Variants in HDAC7 observed in about 807,000 individuals in gnomAD.
HDAC7 encodes the protein histone deacetylase 7A.
HDAC7 carries 26 observed loss-of-function variants against 115.5 expected under a neutral mutation model. The observed-to-expected ratio is 0.23, with a 90% CI of 0.16 to 0.31. The LOEUF (loss-of-function observed/expected upper bound fraction) is 0.31, where lower values mean the gene tolerates loss of function less well. Ranked by LOEUF, HDAC7 falls within the 10% of genes least tolerant of loss-of-function variation. HDAC7 has a pLI of 1.00. For missense variants in HDAC7, 1,068 were observed against 1,329.0 expected, an observed-to-expected ratio of 0.80 and a Z score of 3.05; for synonymous variants, 564 against 550.9, an observed-to-expected ratio of 1.02 and a Z score of -0.33.
At chr12:47,811,660 T>C (rs372155113) in intron 1 of HDAC7, among the ~76,000 whole-genome samples, 2 of 152,234 alleles carry the variant, frequency 1.3e-5, no homozygotes, top group African/African-American at 4.8e-5. Context: ...TCTGTAATAA[T>C]TACGCAGCAT....
chr12:47,813,686 G>T (rs1244320802), intron 1 of HDAC7, among the ~76,000 whole-genome samples: 1 of 152,080 alleles, frequency 6.6e-6, no homozygotes, highest in African/African-American at 2.4e-5. Flanking sequence ...ACGAGGAGAA[G>T]TCCCCTCCCC....
In HDAC7 at chr12:47,786,841, ACCT is replaced by A. The variant is rs367999375; in HGVS notation, c.2454-141_2454-139del. 1.1e-4 allele frequency: 71 copies of A among 653,930 alleles called. 1 individual carries two copies. The East Asian group carries it at 1.6e-3, about 15-fold the overall frequency. The allele number at this position is 653,930 out of a possible 1,614,324, so 40.5% of individuals were successfully genotyped here. A position where few individuals can be genotyped will look rare whatever the true frequency, so the allele number is the denominator to read the frequency against. ...CCAGCACAACTGGCAGATTTCTCTG[ACCT>A]CCTTGACCTTGGCTGGCCACCCATG... On this transcript the variant is annotated intron_variant, in intron 21 of 25. Transcript: ENST00000080059.
chr12:47,789,524 T>A lies in HDAC7; in HGVS notation c.2146A>T (p.Met716Leu). ...PGHHADHSTAMGFCFFNSVAI... is the reference protein window; with the variant it reads ...PGHHADHSTALGFCFFNSVAI... ...ACCCAGGTCTTCCCTTAGCCTTACA[T>A]GGCTGTTGAATGATCTGCATGGTGT... Residue 716 changes from methionine to leucine, a missense_variant and splice_region_variant, in exon 18 of 26, where the codon ATG becomes TTG. Physicochemically the swap from Met to Leu is conservative, Grantham distance 15 (BLOSUM62 2). Transcript: ENST00000080059. The A allele has an allele frequency of 6.2e-7, 1 of 1,614,156 alleles. No homozygotes were observed. Among genetic ancestry groups the A allele is most frequent in the East Asian group, 2.2e-5 (1 of 44,886 alleles).
At chr12:47,804,565 C>T (rs1012077716) in intron 1 of HDAC7, among the ~76,000 whole-genome samples, 7 of 151,782 alleles carry the variant, frequency 4.6e-5, no homozygotes, top group African/African-American at 1.7e-4. Flanking sequence ...CCCAAGGTAC[C>T]AGGAATACTG....
chr12:47,796,476 T>G (rs1592659968), intron 7 of HDAC7, among the ~76,000 whole-genome samples, 178 bp from the exon 8 acceptor site: 2 of 147,470 alleles, frequency 1.4e-5, no homozygotes, highest in East Asian at 2.0e-4. Context: ...CAGGCTGGAG[T>G]GCAATGGCAC....
rs1312407023 is a variant in HDAC7, at chr12:47,788,035, A to G, written c.2355+10T>C. The G allele has an allele frequency of 6.2e-7, 1 of 1,607,096 alleles. No homozygotes were observed. On this transcript the variant is annotated intron_variant, in intron 20 of 25. Transcript: ENST00000080059. ...TGAGGCTGGAAGATGTGGCCCTGAC[A>G]TGCGGTTACCTCATCCACAGCCCCA...
chr12:47,789,840 G>A lies in HDAC7; in HGVS notation c.2064C>T (p.Ala688=), dbSNP rs2136927909. The A allele has an allele frequency of 6.2e-7, 1 of 1,613,768 alleles. No individual in the cohort carries two copies. The highest frequency in any genetic ancestry group is 1.7e-5 in the Admixed American group (1 of 60,034). ...RWAAGSVTDL[A]FKVASRELKN... is the part of the protein sequence containing the mutation. ...TTAGCTCACGAGAAGCCACTTTGAA[G>A]GCGAGGTCAGTGACACTGCCAGCGG... Residue 688 remains alanine (A), a synonymous_variant, in exon 17 of 26, where the codon GCC becomes GCT. Transcript: ENST00000080059.
intron 1 of HDAC7, among the ~76,000 whole-genome samples, chr12:47,812,390 A>T (rs1212608612): frequency 6.6e-6 from 1 of 152,232 alleles, no homozygotes; most frequent in Non-Finnish European, 1.5e-5. Context: ...TGACCTTCAA[A>T]AAATATGAAC....
chr12:47,813,811 A>G (rs1413815504), intron 1 of HDAC7, among the ~76,000 whole-genome samples: 1 of 152,154 alleles, frequency 6.6e-6, no homozygotes, highest in South Asian at 2.1e-4. Flanking sequence ...GTGCAGGGGG[A>G]AAAGCGGACC....
upstream of HDAC7, chr12:47,820,086 C>G (rs1440098065): frequency 6.6e-6 from 1 of 151,190 alleles, no homozygotes; most frequent in Non-Finnish European, 1.5e-5. The surrounding 1 kb of genome is among the most constrained non-coding windows in gnomAD (Gnocchi z 4.3). Context: ...ACAGGCGGGC[C>G]GCAGACACCG....
chr12:47,786,445 G>A, intron 22 of HDAC7, 140 bp downstream of exon 22: 1 of 639,582 alleles, frequency 1.6e-6, no homozygotes, highest in South Asian at 1.9e-5. Context: ...TTCAGGACCA[G>A]CTGCCATACT....
Position 47,798,124 on chromosome 12 carries a change from G to A in HDAC7, c.445C>T (p.Pro149Ser). 6.2e-7 allele frequency: 1 copy of A among 1,613,432 alleles called. No individual in the cohort carries two copies. The highest frequency in any genetic ancestry group is 8.5e-7 in the Non-Finnish European group (1 of 1,179,526). ...GGGTGTTACCTGTAGGGAATGCCGG[G>A]GCTGTTGGGATGGACTGTTCTTTCT... ...ALERTVHPNS[P>S]GIPYRTLEPL... is the part of the protein sequence containing the mutation. Residue 149 changes from proline (P) to serine (S), a missense_variant, in exon 5 of 26, where the codon CCC becomes TCC. By Grantham distance (74) the Pro-to-Ser change is moderately conservative. Transcript: ENST00000080059. The surrounding 1 kb of genome is among the most constrained non-coding windows in gnomAD (Gnocchi z 4.3).
Position 47,783,578 on chromosome 12 carries a change from A to G in HDAC7, c.*263T>C. 1 of 516,766 alleles carries G rather than the reference A, an allele frequency of 1.9e-6. No homozygotes were observed. Among genetic ancestry groups the G allele is most frequent in the Non-Finnish European group, 3.5e-6 (1 of 284,692 alleles). 32.0% of individuals were successfully genotyped at this position (516,766 alleles called of 1,614,324 possible). On this transcript the variant is annotated 3_prime_UTR_variant, in exon 26 of 26. Transcript: ENST00000080059. ...AATGGGGGCCACAGCCAGGGCCCAT[A>G]CTGGAGGGGAGAATCTGTTCTCGAG... is the stretch of plus-strand genomic sequence containing the variant.
intron 1 of HDAC7, among the ~76,000 whole-genome samples, chr12:47,815,519 T>G (rs1944825065): frequency 6.6e-6 from 1 of 152,224 alleles, no homozygotes; most frequent in Non-Finnish European, 1.5e-5. Flanking sequence ...AAACACAGCC[T>G]TGCCCCAGGA....
chr12:47,811,756 C>T (rs1189297851), intron 1 of HDAC7, among the ~76,000 whole-genome samples: 1 of 152,178 alleles, frequency 6.6e-6, no homozygotes, highest in African/African-American at 2.4e-5. Flanking sequence ...GGGTTTTCAC[C>T]GCCCCCGGGT....
At chr12:47,791,509 G>A (rs1159799830) in intron 15 of HDAC7, 77 bp downstream of exon 15, 1 of 1,525,308 alleles carries the variant, frequency 6.6e-7, no homozygotes, top group Non-Finnish European at 8.8e-7. Context: ...TGGCTGGGCG[G>A]GCAGAGCCGA....
rs1260404812 is a variant in HDAC7 at position 47,802,521 on chromosome 12, C to A, written c.20-247G>T. 2.6e-6 allele frequency: 4 copies of A among 1,547,198 alleles called. No individual in the cohort carries two copies. In the East Asian group the frequency reaches 9.8e-5, roughly 38 times the overall value. On this transcript the variant is annotated intron_variant, in intron 1 of 25. Transcript: ENST00000080059. Reference sequence around the variant, plus strand: ...AGTCACTCATTCTAAATGACTTGAACTCAGACTACAGCAAGAACCTAAGGA... The same window carrying A: ...AGTCACTCATTCTAAATGACTTGAAATCAGACTACAGCAAGAACCTAAGGA...
chr12:47,796,062 C>T (rs546447240), intron 8 of HDAC7, 46 bp from the exon 9 acceptor site: 2 of 1,537,154 alleles, frequency 1.3e-6, no homozygotes, highest in Non-Finnish European at 1.8e-6. Context: ...AGACCTCTAC[C>T]CCGGCGCACC....
At chr12:47,789,021 A>C in intron 19 of HDAC7, 1 of 519,340 alleles carries the variant, frequency 1.9e-6, no homozygotes, top group South Asian at 2.9e-5. Flanking sequence ...ACAACACTCA[A>C]ATGACAGCTC....
Sources: gnomAD v4.1 joint callset for allele counts (sites outside exome capture counted in the v4.1 genomes callset) on GRCh38, gnomAD v4.1.1 for gene constraint, Gnocchi (gnomAD v3.1) non-coding constraint, MANE v1.5 for transcripts, NCBI Gene and HGNC (gene_info 2026-07-23, HGNC 2026-07-21) for gene names.